The following USP34 variants were observed in gnomAD, a reference collection of about 807,000 sequenced individuals.
USP34 encodes the protein ubiquitin specific peptidase 34.
Under a neutral mutation model 460.3 loss-of-function variants are expected in USP34, and 70 were observed. That is an observed-to-expected ratio of 0.15 (90% CI 0.13 to 0.19). USP34 has a LOEUF of 0.19. USP34 is among the 10% of genes least tolerant of loss of function. The pLI is 1.00. For synonymous variants in USP34, 1,647 were observed against 1,405.3 expected (o/e 1.17, Z -3.85); for missense variants, 3,985 against 4,236.2 (o/e 0.94, Z 1.65).
In USP34 at chr2:61,266,051, C is replaced by T; in HGVS notation, c.5550G>A (p.Glu1850=). The T allele has an allele frequency of 2.5e-6, 4 of 1,613,976 alleles. No homozygotes were observed. The East Asian group carries it at 8.9e-5, about 36-fold the overall frequency. ...SRAAAYDLLV[E]MVKGSVENYR... ...AGTTCTCAACAGACCCCTTTACCAT[C>T]TCTACTAACAAATCGTAAGCGGCAG... Residue 1850 remains glutamate (E), a synonymous_variant, in exon 42 of 80, where the codon GAG becomes GAA. Transcript: ENST00000398571.
intron 7 of USP34, among the ~76,000 whole-genome samples, chr2:61,379,256 C>T (rs1692900523): frequency 6.6e-6 from 1 of 152,158 alleles, no homozygotes; most frequent in African/African-American, 2.4e-5. Flanking sequence ...GGGTGGCTCA[C>T]GCCTGTAATC....
chr2:61,443,714 A>G (rs1417602409), intron 1 of USP34, among the ~76,000 whole-genome samples: 1 of 152,294 alleles, frequency 6.6e-6, no homozygotes, highest in East Asian at 1.9e-4. Flanking sequence ...ATTTTAGGGT[A>G]GTGAAACTAC....
intron 41 of USP34, 95 bp from the exon 42 acceptor site, chr2:61,266,262 G>A: frequency 8.2e-7 from 1 of 1,223,850 alleles, no homozygotes. Context: ...CTACAATTAA[G>A]CTACTCAAAA....
intron 44 of USP34, among the ~76,000 whole-genome samples, chr2:61,258,446 G>C (rs368329769): frequency 1.5e-4 from 23 of 152,330 alleles, no homozygotes; most frequent in East Asian, 1.2e-3. Context: ...TGGTGACTTG[G>C]AATACTCCGG....
At chr2:61,434,246 C>A (rs1573037485) in intron 1 of USP34, among the ~76,000 whole-genome samples, 1 of 152,306 alleles carries the variant, frequency 6.6e-6, no homozygotes, top group East Asian at 1.9e-4. Flanking sequence ...AGAAACATTA[C>A]CACAGGTCGT....
chr2:61,323,282 CGG>C (rs1558529593), intron 21 of USP34, among the ~76,000 whole-genome samples: 2 of 152,044 alleles, frequency 1.3e-5, no homozygotes, highest in Non-Finnish European at 2.9e-5. Context: ...GAGGCCGAGG[CGG>C]GCGGATCACG....
intron 63 of USP34, 34 bp from the exon 64 acceptor site, chr2:61,223,198 G>A (rs753437774): frequency 4.3e-6 from 7 of 1,612,336 alleles, no homozygotes; most frequent in Admixed American, 1.7e-5. Context: ...TTTAAGAACC[G>A]TTATTATTTT....
At chr2:61,319,551 AAG>A (rs1229491871) in intron 21 of USP34, among the ~76,000 whole-genome samples, 1 of 151,822 alleles carries the variant, frequency 6.6e-6, no homozygotes, top group Non-Finnish European at 1.5e-5. Context: ...AAAAAAAAAA[AAG>A]AATCACAGCA....
At chr2:61,464,788 G>A (rs13403530) in intron 1 of USP34, among the ~76,000 whole-genome samples, 46 of 149,492 alleles carry the variant, frequency 3.1e-4, no homozygotes, top group Non-Finnish European at 4.7e-4. Flanking sequence ...TTTACCTTAC[G>A]AGGTAAATAA....
intron 33 of USP34, among the ~76,000 whole-genome samples, chr2:61,292,713 T>C (rs1689898108): frequency 6.6e-6 from 1 of 152,166 alleles, no homozygotes; most frequent in Non-Finnish European, 1.5e-5. Flanking sequence ...TTGAATTCAA[T>C]GTTTGATAAT....
At chr2:61,415,523 T>C (rs1430841447) in intron 2 of USP34, among the ~76,000 whole-genome samples, 1 of 152,216 alleles carries the variant, frequency 6.6e-6, no homozygotes, top group Non-Finnish European at 1.5e-5. Flanking sequence ...ATATCATAAC[T>C]GGAAGTTCAT....
In USP34 at chr2:61,417,244, G is replaced by A. The variant is rs1165522788; in HGVS notation, c.131+3502C>T. The A allele has an allele frequency of 1.5e-5, 21 of 1,356,104 alleles. No homozygotes were observed. The East Asian group carries it at 3.9e-4, about 25-fold the overall frequency. The allele number at this position is 1,356,104 out of a possible 1,614,324, so 84.0% of individuals were successfully genotyped here. A position where few individuals can be genotyped will look rare whatever the true frequency, so the allele number is the denominator to read the frequency against. On this transcript the variant is annotated intron_variant, in intron 2 of 79. Transcript: ENST00000398571. ...AGAAACACGAACATACATCTGAAAG[G>A]CCTGTCTCCAAGGTCCCTTAGAGCA...
rs756542099 is a variant in USP34 at position 61,204,559 on chromosome 2, A to T, written c.9197T>A (p.Leu3066His). 2.6e-5 allele frequency: 42 copies of T among 1,614,044 alleles called. No homozygotes were observed. The highest frequency in any genetic ancestry group is 5.0e-5 in the Admixed American group (3 of 60,004). ...TTGTAGAAAGGGAACCAGAGTATGA[A>T]GAAAATCATGGGGACTCAAAAGTAC... ...ELVLLSPHDF[L>H]HTLVPFLQHN... The change falls in exon 73 of 80, where the codon CTT (leucine) becomes CAT (histidine). Residue 3066 changes from leucine to histidine, a missense_variant. Physicochemically the swap from Leu to His is moderately conservative, Grantham distance 99. Around this residue, in one of 14 missense-constraint regions of USP34, gnomAD observed 275 missense variants for 292.7 expected, o/e 0.94. Transcript: ENST00000398571.
chr2:61,381,698 T>C (rs1251494495), intron 6 of USP34, among the ~76,000 whole-genome samples: 1 of 152,182 alleles, frequency 6.6e-6, no homozygotes, highest in Non-Finnish European at 1.5e-5. Flanking sequence ...AACCAACCCA[T>C]ACAGAGCTCT....
Position 61,406,024 on chromosome 2 carries a change from T to C in USP34, c.236A>G (p.Asp79Gly), listed in dbSNP as rs1693860052. The change falls in exon 3 of 80, where the codon GAC (aspartate) becomes GGC (glycine). Residue 79 changes from aspartate to glycine, a missense_variant. By Grantham distance (94) the Asp-to-Gly change is moderately conservative. Coordinates refer to ENST00000398571, the MANE Select transcript of USP34 (RefSeq NM_014709.4). ...GGTAGTACAATGTTTACAAAGCTGG[T>C]CCCGGAGCACTTGAACTTGGGCAAT... ...LVIAQVQVLR[D>G]QLCKHCTTIN... The C allele has an allele frequency of 6.2e-7, 1 of 1,613,772 alleles. No individual in the cohort carries two copies. The highest frequency in any genetic ancestry group is 8.5e-7 in the Non-Finnish European group (1 of 1,179,950).
In USP34 at chr2:61,416,820, T is replaced by TGG. The variant is rs1246172627; in HGVS notation, c.131+3925_131+3926insCC. The TGG allele has an allele frequency of 1.7e-3, 476 of 274,622 alleles. 2 individuals carry two copies. Among genetic ancestry groups the TGG allele is most frequent in the African/African-American group, 4.0e-3 (107 of 26,986 alleles). 17.0% of individuals were successfully genotyped at this position (274,622 alleles called of 1,614,324 possible). On this transcript the variant is annotated intron_variant, in intron 2 of 79. Coordinates refer to ENST00000398571, the MANE Select transcript of USP34 (RefSeq NM_014709.4). ...ATTAACCTCCCTAATCTTTTTTTTT[T>TGG]TGGGGGGGGGGACAGGAAGTAGAAT...
At chr2:61,249,293 G>C (rs1384449475) in intron 48 of USP34, among the ~76,000 whole-genome samples, 1 of 152,150 alleles carries the variant, frequency 6.6e-6, no homozygotes, top group Admixed American at 6.5e-5. Context: ...AATACAAACA[G>C]TACAATACTG....
At chr2:61,451,466 T>C (rs2256469) in intron 1 of USP34, among the ~76,000 whole-genome samples, 3,356 of 150,848 alleles carry the variant, frequency 0.022, 41 homozygotes, top group South Asian at 0.041. Flanking sequence ...GGGCGGATCA[T>C]CTGAGGTTGG....
intron 3 of USP34, among the ~76,000 whole-genome samples, chr2:61,397,585 GTGAAACCGCGTCTC>G (rs1441044209): frequency 1.3e-5 from 2 of 152,136 alleles, no homozygotes; most frequent in African/African-American, 2.4e-5. Flanking sequence ...GGCCAACATG[GTGAAACCGCGTCTC>G]TACTAAAAAT....
Sources: allele counts gnomAD v4.1 joint callset (sites outside exome capture counted in the v4.1 genomes callset), GRCh38; gene constraint gnomAD v4.1.1; regional missense constraint gnomAD v4.1.1; transcripts MANE v1.5; gene names NCBI Gene and HGNC (gene_info 2026-07-23, HGNC 2026-07-21).